ARID1B: variants seen among roughly 807,000 people sequenced by gnomAD.
ARID1B encodes AT-rich interactive domain-containing protein 1B.
A neutral mutation model predicts 212.3 loss-of-function variants in ARID1B; 30 were observed. The ratio of observed to expected loss-of-function variants is 0.14; its 90% CI spans 0.11 to 0.19. The LOEUF is 0.19. Among genes scored for constraint, ARID1B ranks in the 10% least tolerant of loss-of-function variants. The pLI is 1.00. For missense variants in ARID1B, 2,891 were observed against 3,204.0 expected (o/e 0.90, Z 2.36); for synonymous variants, 1,402 against 1,301.7 (o/e 1.08, Z -1.66).
At chr6:156,937,514 C>T (rs1792342953) in intron 4 of ARID1B, 1 of 152,192 alleles carries the variant, frequency 6.6e-6, no homozygotes, top group African/African-American at 2.4e-5. Flanking sequence ...TTCATATCTA[C>T]TCAGAAACTT....
chr6:156,910,803 C>T (rs1789813398), intron 3 of ARID1B, among the ~76,000 whole-genome samples: 1 of 152,106 alleles, frequency 6.6e-6, no homozygotes, highest in Non-Finnish European at 1.5e-5. Context: ...TATGATAGAT[C>T]ATTTAGAACA....
intron 3 of ARID1B, among the ~76,000 whole-genome samples, chr6:156,934,805 T>C (rs1242763077): frequency 6.6e-6 from 1 of 150,806 alleles, no homozygotes; most frequent in African/African-American, 2.4e-5. Flanking sequence ...AAAGACAGTT[T>C]GGTTTGGCTA....
At chr6:156,854,707 T>C (rs1008708751) in intron 2 of ARID1B, among the ~76,000 whole-genome samples, 1 of 152,252 alleles carries the variant, frequency 6.6e-6, no homozygotes, top group Non-Finnish European at 1.5e-5. Context: ...CACCTCTAGA[T>C]ACCAGCTAAC....
At chr6:156,862,774 A>G (rs1004012596) in intron 2 of ARID1B, among the ~76,000 whole-genome samples, 2 of 152,156 alleles carry the variant, frequency 1.3e-5, no homozygotes, top group African/African-American at 4.8e-5. Context: ...ATGAAGGCCT[A>G]CCCTGTGCCC....
intron 4 of ARID1B, among the ~76,000 whole-genome samples, chr6:156,974,388 T>C (rs1777104099): frequency 6.6e-6 from 1 of 152,294 alleles, no homozygotes; most frequent in South Asian, 2.1e-4. Context: ...TAAAACACAT[T>C]GAATGATAAA....
intron 2 of ARID1B, among the ~76,000 whole-genome samples, chr6:156,892,173 A>T (rs1425983541): frequency 6.6e-6 from 1 of 151,050 alleles, no homozygotes. Context: ...GACAGGCGTG[A>T]GCCACCACAC....
In ARID1B at chr6:157,208,952, C is replaced by T. The variant is rs1794649098; in HGVS notation, c.*1061C>T. ...TCGATTTCAGGAGAGCAGCTGATCACAATTTGCTTCATGAATCAAGGTGTG... is the reference window on the plus strand; with the variant it reads ...TCGATTTCAGGAGAGCAGCTGATCATAATTTGCTTCATGAATCAAGGTGTG... On this transcript the variant is annotated 3_prime_UTR_variant, in exon 20 of 20. Coordinates refer to ENST00000636930, the MANE Select transcript of ARID1B (RefSeq NM_001374828.1). The T allele has an allele frequency of 8.7e-6, 2 of 229,356 alleles. No individual in the cohort carries two copies. Among genetic ancestry groups the T allele is most frequent in the Admixed American group, 5.7e-5 (1 of 17,576 alleles). 14.2% of individuals were successfully genotyped at this position (229,356 alleles called of 1,614,324 possible).
At chr6:156,820,304 T>TA (rs1025804095) in intron 1 of ARID1B, among the ~76,000 whole-genome samples, 1 of 152,146 alleles carries the variant, frequency 6.6e-6, no homozygotes, top group African/African-American at 2.4e-5. Flanking sequence ...ACATTCTAGT[T>TA]AGAGTCCTGC....
chr6:156,848,638 T>G (rs1474022368), intron 2 of ARID1B, among the ~76,000 whole-genome samples: 1 of 152,216 alleles, frequency 6.6e-6, no homozygotes, highest in Non-Finnish European at 1.5e-5. Context: ...GCATTTTTGG[T>G]GCCCTGGATT....
chr6:156,942,556 T>G (rs1052803632), intron 4 of ARID1B: 7 of 151,864 alleles, frequency 4.6e-5, no homozygotes, highest in Middle Eastern at 3.4e-3. Context: ...TCCACAATGG[T>G]GCAGAGGCCA....
rs533853158 is a variant in ARID1B, at chr6:156,950,699, G to A, written c.2247+15123G>A. Among the ~76,000 whole-genome samples, 7 of 152,160 alleles carry A rather than the reference G, an allele frequency of 4.6e-5. No homozygotes were observed. The East Asian group carries it at 1.4e-3, about 29-fold the overall frequency. On this transcript the variant is annotated intron_variant, in intron 4 of 19. Transcript: ENST00000636930. Reference sequence around the variant, plus strand: ...GTTTAAACTATTCATAAGATCTAGTGGTAACTGCTGTAAAGGTAACTGGGG... The same window carrying A: ...GTTTAAACTATTCATAAGATCTAGTAGTAACTGCTGTAAAGGTAACTGGGG...
Position 157,086,269 on chromosome 6 carries a change from G to C in ARID1B, c.2491+1364G>C, listed in dbSNP as rs139138614. ...AATTTGATATAGGTATACGCTCAGTGCATTTTGATTAAAGCATTTCGATGT... is the reference window on the plus strand; with the variant it reads ...AATTTGATATAGGTATACGCTCAGTCCATTTTGATTAAAGCATTTCGATGT... On this transcript the variant is annotated intron_variant, in intron 5 of 19. Coordinates refer to ENST00000636930, the MANE Select transcript of ARID1B (RefSeq NM_001374828.1). 7.6e-3 allele frequency among the ~76,000 whole-genome samples: 1,157 copies of C among 152,340 alleles called. 14 individuals are homozygous for C. The highest frequency in any genetic ancestry group is 0.026 in the African/African-American group (1,098 of 41,586).
At chr6:156,979,533 T>C (rs1198569566) in intron 4 of ARID1B, among the ~76,000 whole-genome samples, 1 of 151,910 alleles carries the variant, frequency 6.6e-6, no homozygotes, top group South Asian at 2.1e-4. Context: ...GCATGAAATA[T>C]AAACATGAAT....
chr6:156,932,878 C>T (rs968337723), intron 3 of ARID1B, among the ~76,000 whole-genome samples: 7 of 152,166 alleles, frequency 4.6e-5, no homozygotes, highest in Admixed American at 2.6e-4. Context: ...CAATAGTTCT[C>T]ACTAAATTTT....
chr6:156,968,988 T>C (rs6420142), intron 4 of ARID1B, among the ~76,000 whole-genome samples: 86,513 of 152,088 alleles, frequency 0.57, 25,349 homozygotes, highest in African/African-American at 0.71. Context: ...AGGGAGGTGC[T>C]CCACATGCGC....
intron 7 of ARID1B, chr6:157,141,060 A>G (rs1789310876): frequency 6.2e-6 from 1 of 162,368 alleles, no homozygotes; most frequent in East Asian, 1.7e-4. Context: ...TTGCTAAGGC[A>G]GAGTAATCCA....
chr6:156,839,028 G>A (rs1783713046), intron 2 of ARID1B, among the ~76,000 whole-genome samples: 1 of 152,096 alleles, frequency 6.6e-6, no homozygotes, highest in Non-Finnish European at 1.5e-5. Flanking sequence ...TGGGCTTCAT[G>A]GAGAAATAGG....
intron 2 of ARID1B, among the ~76,000 whole-genome samples, chr6:156,872,163 C>T (rs1225662716): frequency 6.6e-6 from 1 of 152,162 alleles, no homozygotes; most frequent in African/African-American, 2.4e-5. Flanking sequence ...ATCGTCTGAA[C>T]TACAATTTCT....
At chr6:156,990,799 G>C (rs546535811) in intron 4 of ARID1B, among the ~76,000 whole-genome samples, 1 of 152,090 alleles carries the variant, frequency 6.6e-6, no homozygotes. Context: ...GCCTTTTCCT[G>C]ACATAGGAAC....
Sources: gnomAD v4.1 joint callset for allele counts (sites outside exome capture counted in the v4.1 genomes callset) on GRCh38, gnomAD v4.1.1 for gene constraint, MANE v1.5 for transcripts, NCBI Gene and HGNC (gene_info 2026-07-23, HGNC 2026-07-21) for gene names.